CIDEC: variants seen among roughly 807,000 people sequenced by gnomAD.
CIDEC encodes the protein cell death inducing DFFA like effector c.
A neutral mutation model predicts 21.9 loss-of-function variants in CIDEC; 11 were observed. The ratio of observed to expected loss-of-function variants is 0.50; its 90% CI spans 0.32 to 0.83. The LOEUF (loss-of-function observed/expected upper bound fraction) is 0.83. CIDEC is among the 40% of genes least tolerant of loss of function. CIDEC has a pLI of 0.04. For missense variants in CIDEC, 302 were observed against 302.3 expected, an observed-to-expected ratio of 1.00 and a Z score of 0.01; for synonymous variants, 127 against 124.9, an observed-to-expected ratio of 1.02 and a Z score of -0.11.
intron 3 of CIDEC, chr3:9,878,220 T>C: frequency 1.7e-6 from 1 of 592,296 alleles, no homozygotes; most frequent in Non-Finnish European, 3.1e-6. Context: ...TACTCCTTTT[T>C]ATGCATGGTG....
chr3:9,878,629 C>G (rs1271857881), intron 2 of CIDEC, 118 bp from the exon 3 acceptor site: 1 of 1,250,662 alleles, frequency 8.0e-7, no homozygotes, highest in African/African-American at 1.5e-5. Context: ...ATTCTTCTAT[C>G]CCAACTCACA....
At position 9,866,753 on chromosome 3, in the gene CIDEC, T is replaced by C. The variant is rs1350661432; in HGVS notation, c.*381A>G. The C allele has an allele frequency of 1.6e-5, 8 of 505,378 alleles. No homozygotes were observed. Among genetic ancestry groups the C allele is most frequent in the South Asian group, 2.4e-5 (1 of 40,830 alleles). 31.3% of individuals were successfully genotyped at this position (505,378 alleles called of 1,614,324 possible). ...TTATTGCAAACTCCCTAATATCACA[T>C]GCTAGTGCGCTTGCGAATTCACTCA... On this transcript the variant is annotated 3_prime_UTR_variant, in exon 7 of 7. Transcript: ENST00000336832.
intron 6 of CIDEC, among the ~76,000 whole-genome samples, chr3:9,869,048 C>T (rs909437940): frequency 1.6e-4 from 24 of 152,276 alleles, no homozygotes; most frequent in African/African-American, 5.5e-4. Context: ...AGGCTGGTCT[C>T]AAACTCATGG....
At chr3:9,873,028 G>A (rs2082370525) in intron 4 of CIDEC, among the ~76,000 whole-genome samples, 1 of 151,804 alleles carries the variant, frequency 6.6e-6, no homozygotes, top group Non-Finnish European at 1.5e-5. Flanking sequence ...CAGTTTTTTT[G>A]GTTTTGTTTT....
Position 9,867,312 on chromosome 3 carries a change from G to A in CIDEC, c.555-16C>T, listed in dbSNP as rs2082284962. On this transcript the variant is annotated splice_polypyrimidine_tract_variant and intron_variant, in intron 6 of 6. Coordinates refer to ENST00000336832, the MANE Select transcript of CIDEC (RefSeq NM_001321142.2). ...GAAAGCTTCCCTGGGTGGAATGAGA[G>A]GGCACGCAAGTCAAAACCACGAAGT... The A allele has an allele frequency of 6.2e-7, 1 of 1,613,844 alleles. No homozygotes were observed. The highest frequency in any genetic ancestry group is 2.2e-5 in the East Asian group (1 of 44,880).
At chr3:9,870,579 A>C in intron 4 of CIDEC, 1 of 1,074,676 alleles carries the variant, frequency 9.3e-7, no homozygotes. Flanking sequence ...TGTACAATTC[A>C]GGGTTTTTTA....
rs562968333 is a variant in CIDEC, at chr3:9,877,156, G to A, written c.117C>T (p.Ala39=). The part of the protein sequence containing the change: ...QQLLSEPSPK[A]PRARPCRVST... ...TTACGCGGCAGGGCCGGGCCCTGGG[G>A]GCCTTGGGGCTGGGCTCCGACAGCA... Residue 39 remains alanine (A), a synonymous_variant, in exon 4 of 7, where the codon GCC becomes GCT. Coordinates refer to ENST00000336832, the MANE Select transcript of CIDEC (RefSeq NM_001321142.2). 2.6e-6 allele frequency: 4 copies of A among 1,551,676 alleles called. No individual in the cohort carries two copies. The highest frequency in any genetic ancestry group is 4.9e-5 in the East Asian group (2 of 41,032).
At chr3:9,873,340 A>G (rs555180962) in intron 4 of CIDEC, among the ~76,000 whole-genome samples, 7 of 152,362 alleles carry the variant, frequency 4.6e-5, no homozygotes, top group Admixed American at 4.6e-4. Context: ...GGCCGGGTGC[A>G]GTGGCTCACG....
rs199505032 is a variant in CIDEC at position 9,877,166 on chromosome 3, C to T, written c.107G>A (p.Ser36Asn). ...GGGCCGGGCCCTGGGGGCCTTGGGG[C>T]TGGGCTCCGACAGCAGCTGCTGGGT... ...VVTQQLLSEP[S>N]PKAPRARPCR... The change falls in exon 4 of 7, where the codon AGC (serine) becomes AAC (asparagine). Residue 36 changes from serine (S) to asparagine (N), a missense_variant. Ser to Asn is a conservative substitution (Grantham distance 46, BLOSUM62 1). Transcript: ENST00000336832. 3 of 1,551,402 alleles carry T rather than the reference C, an allele frequency of 1.9e-6. No homozygotes were observed.
At chr3:9,870,120 G>A (rs377235717) in intron 5 of CIDEC, 44 bp downstream of exon 5, 1 of 1,614,064 alleles carries the variant, frequency 6.2e-7, no homozygotes, top group Non-Finnish European at 8.5e-7. Context: ...ATCTCCCAGA[G>A]TCCCGATTTT....
rs1225212516 is a variant in CIDEC, at chr3:9,869,867, T to C, written c.554+15A>G. ...CTGTACCCACCCTGTCCCCAGGAAA[T>C]CCCAATTTGCTCACTTCATGATGCG... On this transcript the variant is annotated intron_variant, in intron 6 of 6. Coordinates refer to ENST00000336832, the MANE Select transcript of CIDEC (RefSeq NM_001321142.2). 11 of 1,611,564 alleles carry C rather than the reference T, an allele frequency of 6.8e-6. No individual in the cohort carries two copies. In the East Asian group the frequency reaches 1.3e-4, roughly 20 times the overall value.
intron 4 of CIDEC, among the ~76,000 whole-genome samples, chr3:9,876,305 C>G: frequency 6.6e-6 from 1 of 152,112 alleles, no homozygotes; most frequent in East Asian, 1.9e-4. Context: ...AAAACCCCAT[C>G]TTTACTAAAA....
Position 9,879,064 on chromosome 3 carries a change from T to C in CIDEC, c.-138-10A>G, listed in dbSNP as rs1055117696. ...TGGCCAAAAGAACATTCTGTGATGA[T>C]AGAGGCATGCCTTGTACATACTCTC... On this transcript the variant is annotated splice_polypyrimidine_tract_variant and intron_variant, in intron 1 of 6. Coordinates refer to ENST00000336832, the MANE Select transcript of CIDEC (RefSeq NM_001321142.2). The C allele has an allele frequency of 5.3e-6, 3 of 569,936 alleles. No homozygotes were observed. Among genetic ancestry groups the C allele is most frequent in the East Asian group, 2.9e-5 (1 of 33,962 alleles). 35.3% of individuals were successfully genotyped at this position (569,936 alleles called of 1,614,324 possible). A position where few individuals can be genotyped will look rare whatever the true frequency, so the allele number is the denominator to read the frequency against.
chr3:9,877,274 C>T, intron 3 of CIDEC, 55 bp from the exon 4 acceptor site: 2 of 1,535,104 alleles, frequency 1.3e-6, no homozygotes, highest in South Asian at 2.4e-5. Flanking sequence ...CCCTTGCCCA[C>T]CACACAGGGG....
Position 9,867,209 on chromosome 3 carries a change from A to G in CIDEC, c.642T>C (p.Asp214=). The stretch of plus-strand genomic sequence containing the variant: ...TGGGGGGCTGCCCTTCCTCCGTAGC[A>G]TCGAGGAGCTGCTGCAGGTAACAGG... The part of the protein sequence containing the change: ...GTSCYLQQLL[D]ATEEGQPPKG... The change falls in exon 7 of 7, where the codon GAT becomes GAC. Residue 214 remains aspartate (D), a synonymous_variant. Coordinates refer to ENST00000336832, the MANE Select transcript of CIDEC (RefSeq NM_001321142.2). 6.2e-7 allele frequency: 1 copy of G among 1,614,154 alleles called. No individual in the cohort carries two copies. Among genetic ancestry groups the G allele is most frequent in the Non-Finnish European group, 8.5e-7 (1 of 1,180,038 alleles).
rs2082275156 is a variant in CIDEC, at chr3:9,866,811, G to C, written c.*323C>G. 1 of 583,358 alleles carries C rather than the reference G, an allele frequency of 1.7e-6. No homozygotes were observed. Among genetic ancestry groups the C allele is most frequent in the Admixed American group, 3.0e-5 (1 of 33,528 alleles). The allele number at this position is 583,358 out of a possible 1,614,324, so 36.1% of individuals were successfully genotyped here. A position where few individuals can be genotyped will look rare whatever the true frequency, so the allele number is the denominator to read the frequency against. On this transcript the variant is annotated 3_prime_UTR_variant, in exon 7 of 7. Coordinates refer to ENST00000336832, the MANE Select transcript of CIDEC (RefSeq NM_001321142.2). ...TCCGGGATGGGGGCCAGAAGGTAGA[G>C]AGCACCATGAAAGTACAGCCTGCGA...
Position 9,868,368 on chromosome 3 carries a change from T to C in CIDEC, c.555-1072A>G, listed in dbSNP as rs2082301507. Among the ~76,000 whole-genome samples, 2 of 152,234 alleles carry C rather than the reference T, an allele frequency of 1.3e-5. 1 individual carries two copies. The highest frequency in any genetic ancestry group is 2.9e-5 in the Non-Finnish European group (2 of 68,044). Reference sequence around the variant, plus strand: ...TAGCTCATGTTCAGAGTGCTGGACATGAAGACATCCATGCCTGGCATGAGC... The same window carrying C: ...TAGCTCATGTTCAGAGTGCTGGACACGAAGACATCCATGCCTGGCATGAGC... On this transcript the variant is annotated intron_variant, in intron 6 of 6. Transcript: ENST00000336832.
intron 4 of CIDEC, among the ~76,000 whole-genome samples, chr3:9,876,757 CAAAAAAAAAA>C (rs6147705): frequency 1.5e-5 from 1 of 67,772 alleles, no homozygotes; most frequent in African/African-American, 5.3e-5. Flanking sequence ...GACTTCGTCT[CAAAAAAAAAA>C]AAAAAAAAAA....
chr3:9,867,332 C>G, intron 6 of CIDEC, 36 bp from the exon 7 acceptor site: 2 of 1,611,250 alleles, frequency 1.2e-6, no homozygotes, highest in Non-Finnish European at 1.7e-6. Context: ...GTCAAAACCA[C>G]GAAGTAGGTC....
Sources: allele counts gnomAD v4.1 joint callset (sites outside exome capture counted in the v4.1 genomes callset), GRCh38; gene constraint gnomAD v4.1.1; transcripts MANE v1.5; gene names NCBI Gene and HGNC (gene_info 2026-07-23, HGNC 2026-07-21).